The following TEX261 variants were observed in gnomAD, a reference collection of about 807,000 sequenced individuals.
TEX261 encodes testis expressed 261, also known as protein TEX261.
TEX261 carries 13 observed loss-of-function variants against 25.1 expected under a neutral mutation model. The ratio of observed to expected loss-of-function variants is 0.52; its 90% CI spans 0.34 to 0.82. TEX261 has a LOEUF of 0.82. TEX261 is among the 40% of genes least tolerant of loss of function. The pLI, the probability that TEX261 is intolerant of heterozygous loss-of-function variation, is 0.02. For missense variants in TEX261, 206 were observed against 243.2 expected, an observed-to-expected ratio of 0.85 and a Z score of 1.02; for synonymous variants, 92 against 97.8, an observed-to-expected ratio of 0.94 and a Z score of 0.35.
chr2:70,994,703 T>G lies in TEX261; in HGVS notation c.55A>C (p.Ile19Leu), dbSNP rs1670375737. Residue 19 changes from isoleucine to leucine, a missense_variant, in exon 1 of 6, where the codon ATC becomes CTC. By Grantham distance (5) the Ile-to-Leu change is conservative. Coordinates refer to ENST00000272438, the MANE Select transcript of TEX261 (RefSeq NM_144582.3). ...GCAGTCTCACCGACAGCCAGCGTGA[T>G]GAAGGCCACCTGGATGAAGAGCGAC... ...WLSLFIQVAF[I>L]TLAVAAGLYY... 2 of 1,604,870 alleles carry G rather than the reference T, an allele frequency of 1.2e-6. No individual in the cohort carries two copies. Among genetic ancestry groups the G allele is most frequent in the African/African-American group, 1.3e-5 (1 of 74,476 alleles).
At chr2:70,989,310 C>T in intron 4 of TEX261, 1 of 492,418 alleles carries the variant, frequency 2.0e-6, no homozygotes, top group East Asian at 3.7e-5. Flanking sequence ...CTGACTGACC[C>T]ACACCCCCCA....
At chr2:70,993,252 C>T (rs1427298797) in intron 2 of TEX261, among the ~76,000 whole-genome samples, 3 of 152,178 alleles carry the variant, frequency 2.0e-5, no homozygotes, top group Non-Finnish European at 4.4e-5. Flanking sequence ...CAGGGAAGGG[C>T]GAGGGCAGCG....
Position 70,988,329 on chromosome 2 carries a change from A to C in TEX261, c.*271T>G. ...GCCAGAACCTCCTGACCCACCTTGGAAGGGACAGGGGAGGACTGAGGGACC... is the reference window on the plus strand; with the variant it reads ...GCCAGAACCTCCTGACCCACCTTGGCAGGGACAGGGGAGGACTGAGGGACC... On this transcript the variant is annotated 3_prime_UTR_variant, in exon 6 of 6. Transcript: ENST00000272438. 2 of 413,916 alleles carry C rather than the reference A, an allele frequency of 4.8e-6. No individual in the cohort carries two copies. Among genetic ancestry groups the C allele is most frequent in the Non-Finnish European group, 8.9e-6 (2 of 223,546 alleles). The allele number at this position is 413,916 out of a possible 1,614,324, so 25.6% of individuals were successfully genotyped here.
In TEX261 at chr2:70,988,571, T is replaced by C. The variant is rs1670237000; in HGVS notation, c.*29A>G. 6.4e-7 allele frequency: 1 copy of C among 1,559,924 alleles called. No homozygotes were observed. The highest frequency in any genetic ancestry group is 1.1e-5 in the South Asian group (1 of 89,980). ...GCCCAGGGGCCTGACTCTCCTGATC[T>C]TGCCCCCCACATCCTGCCTGCATGG... is the stretch of plus-strand genomic sequence containing the variant. On this transcript the variant is annotated 3_prime_UTR_variant, in exon 6 of 6. Coordinates refer to ENST00000272438, the MANE Select transcript of TEX261 (RefSeq NM_144582.3).
chr2:70,991,410 G>A (rs368469719), intron 3 of TEX261, among the ~76,000 whole-genome samples: 5 of 152,242 alleles, frequency 3.3e-5, no homozygotes, highest in Admixed American at 1.3e-4. Context: ...GGTGCTCACA[G>A]CCCCATGAGG....
In TEX261 at chr2:70,987,682, C is replaced by T. The variant is rs1156723512; in HGVS notation, c.*918G>A. The stretch of plus-strand genomic sequence containing the variant: ...ACAGCTTCTCCCATTAGTCCCATTT[C>T]TTTAAAAACAGGCTGCCTGGAAGCT... On this transcript the variant is annotated 3_prime_UTR_variant, in exon 6 of 6. Transcript: ENST00000272438. The T allele has an allele frequency of 6.6e-6, 1 of 152,374 alleles. No individual in the cohort carries two copies. Among genetic ancestry groups the T allele is most frequent in the Non-Finnish European group, 1.5e-5 (1 of 68,028 alleles). 9.4% of individuals were successfully genotyped at this position (152,374 alleles called of 1,614,324 possible).
rs782324235 is a variant in TEX261, at chr2:70,988,940, G to A, written c.450C>T (p.Val150=). ...FFVSLSAGEN[V]LPSTMQPGDD... Reference sequence around the variant, plus strand: ...CTCCTGGCTGCATGGTAGAGGGCAGGACGTTCTCCCCGGCCGAAAGTGACA... The same window carrying A: ...CTCCTGGCTGCATGGTAGAGGGCAGAACGTTCTCCCCGGCCGAAAGTGACA... Residue 150 remains valine, a synonymous_variant, in exon 5 of 6, where the codon GTC becomes GTT. Coordinates refer to ENST00000272438, the MANE Select transcript of TEX261 (RefSeq NM_144582.3). 2 of 1,614,112 alleles carry A rather than the reference G, an allele frequency of 1.2e-6. No homozygotes were observed. Among genetic ancestry groups the A allele is most frequent in the South Asian group, 2.2e-5 (2 of 91,080 alleles).
At position 70,988,659 on chromosome 2, in the gene TEX261, G is replaced by A; in HGVS notation, c.532C>T (p.Leu178=). 6.2e-7 allele frequency: 1 copy of A among 1,614,196 alleles called. No homozygotes were observed. The highest frequency in any genetic ancestry group is 8.5e-7 in the Non-Finnish European group (1 of 1,180,030). Residue 178 remains leucine (L), a synonymous_variant, in exon 6 of 6, where the codon CTG becomes TTG. Coordinates refer to ENST00000272438, the MANE Select transcript of TEX261 (RefSeq NM_144582.3). ...TCTTTGATGAAGGAGAAGACAACCA[G>A]GATCCCTAAGCGTTTGCCCCGCTTG... ...KGKRGKRLGI[L]VVFSFIKEAI...
intron 2 of TEX261, 92 bp downstream of exon 2, chr2:70,993,604 G>C: frequency 9.9e-7 from 1 of 1,007,980 alleles, no homozygotes; most frequent in Non-Finnish European, 1.6e-6. Flanking sequence ...CAGAGACACA[G>C]GCCTCATCAT....
chr2:70,994,848 C>T lies in TEX261; in HGVS notation c.-91G>A, dbSNP rs1170127591. ...ACAGCCGCCACCGCCGCCGCCGCCG[C>T]CGCGTCCCCGCCCCGCGGACGACAG... On this transcript the variant is annotated 5_prime_UTR_variant, in exon 1 of 6. Transcript: ENST00000272438. The T allele has an allele frequency of 1.9e-5, 24 of 1,240,912 alleles. 1 individual carries two copies. The East Asian group carries it at 7.7e-4, about 40-fold the overall frequency. 76.9% of individuals were successfully genotyped at this position (1,240,912 alleles called of 1,614,324 possible).
chr2:70,989,608 T>A (rs2104871013), intron 4 of TEX261, 141 bp downstream of exon 4: 2 of 670,026 alleles, frequency 3.0e-6, no homozygotes, highest in East Asian at 2.8e-5. Context: ...TCTCAAACCA[T>A]CTATGTTTTG....
chr2:70,988,901 A>G lies in TEX261; in HGVS notation c.475+14T>C. 6.2e-7 allele frequency: 1 copy of G among 1,612,888 alleles called. No individual in the cohort carries two copies. Among genetic ancestry groups the G allele is most frequent in the Non-Finnish European group, 8.5e-7 (1 of 1,179,528 alleles). On this transcript the variant is annotated intron_variant, in intron 5 of 5. Coordinates refer to ENST00000272438, the MANE Select transcript of TEX261 (RefSeq NM_144582.3). ...GCTTGCCCCCACCTGGGCCCCTTACAAATCCCTTCTCACCTCCTGGCTGCA... is the reference window on the plus strand; with the variant it reads ...GCTTGCCCCCACCTGGGCCCCTTACGAATCCCTTCTCACCTCCTGGCTGCA...
chr2:70,988,774 A>G (rs1351840114), intron 5 of TEX261, 59 bp from the exon 6 acceptor site: 2 of 1,526,498 alleles, frequency 1.3e-6, no homozygotes, highest in Non-Finnish European at 1.8e-6. Flanking sequence ...GTGTGTGCGC[A>G]TGTGTGTGAA....
At chr2:70,988,847 G>C in intron 5 of TEX261, 68 bp downstream of exon 5, 1 of 1,573,858 alleles carries the variant, frequency 6.4e-7, no homozygotes. Context: ...GGTTCCCTCA[G>C]TGGACCCCTG....
intron 2 of TEX261, 88 bp from the exon 3 acceptor site, chr2:70,992,071 C>G: frequency 7.6e-7 from 1 of 1,318,488 alleles, no homozygotes. Context: ...CTGGGCAGCA[C>G]TAGGTTCATG....
intron 4 of TEX261, 67 bp from the exon 5 acceptor site, chr2:70,989,084 T>G: frequency 8.6e-6 from 12 of 1,394,840 alleles, no homozygotes; most frequent in Non-Finnish European, 1.2e-5. Flanking sequence ...GTGTGGTGAC[T>G]GCGTGTTGGT....
chr2:70,989,135 C>G, intron 4 of TEX261, 118 bp from the exon 5 acceptor site: 1 of 851,358 alleles, frequency 1.2e-6, no homozygotes, highest in Admixed American at 2.1e-5. Context: ...CCAAAGGGGG[C>G]CCAGGCCTGG....
chr2:70,992,195 G>C (rs1225754355), intron 2 of TEX261, among the ~76,000 whole-genome samples: 1 of 151,244 alleles, frequency 6.6e-6, no homozygotes, highest in African/African-American at 2.4e-5. Context: ...ATCCAGGCTG[G>C]AGTGCAGTGG....
chr2:70,993,452 TC>T (rs1359735862), intron 2 of TEX261, among the ~76,000 whole-genome samples: 4 of 152,186 alleles, frequency 2.6e-5, no homozygotes, highest in African/African-American at 9.7e-5. Context: ...CACTTCGCTG[TC>T]ACCTTAAGGA....
Sources: gnomAD v4.1 joint callset for allele counts (sites outside exome capture counted in the v4.1 genomes callset) on GRCh38, gnomAD v4.1.1 for gene constraint, MANE v1.5 for transcripts, NCBI Gene and HGNC (gene_info 2026-07-23, HGNC 2026-07-21) for gene names.